BRCA1: variants seen among roughly 807,000 people sequenced by gnomAD.
BRCA1 encodes the protein BRCA1 DNA repair associated, also known as breast cancer type 1 susceptibility protein.
Under a neutral mutation model 173.7 loss-of-function variants are expected in BRCA1, and 140 were observed. The observed-to-expected ratio is 0.81, with a 90% CI of 0.70 to 0.93. BRCA1 has a LOEUF of 0.93. BRCA1 is among the 40% of genes least tolerant of loss of function. BRCA1 has a pLI of 0.00. For missense variants in BRCA1, 1,983 were observed against 2,172.5 expected (o/e 0.91, Z 1.73); for synonymous variants, 662 against 756.0 (o/e 0.88, Z 2.04).
chr17:43,100,278 G>A (rs1300361247), intron 6 of BRCA1, among the ~76,000 whole-genome samples: 1 of 151,452 alleles, frequency 6.6e-6, no homozygotes, highest in Non-Finnish European at 1.5e-5. Flanking sequence ...AATTTTTGAA[G>A]TATTAATATA....
rs398122658 is a variant in BRCA1 at position 43,093,139 on chromosome 17, G to A, written c.2392C>T (p.Pro798Ser). The A allele has an allele frequency of 3.1e-6, 5 of 1,613,360 alleles. No individual in the cohort carries two copies. In the African/African-American group the frequency reaches 5.3e-5, roughly 17 times the overall value. The change falls in exon 10 of 23, where the codon CCA becomes TCA. Residue 798 changes from proline to serine, a missense_variant. Transcript: ENST00000357654. ...GCACACTGACTCACACATTTATTTG[G>A]TTCTGTTTTTGCCTTCCCTAGAGTG... The part of the protein sequence containing the change: ...VSTLGKAKTE[P>S]NKCVSQCAAF...
At chr17:43,124,440 G>A (rs1567823814) in intron 1 of BRCA1, among the ~76,000 whole-genome samples, 3 of 152,092 alleles carry the variant, frequency 2.0e-5, no homozygotes, top group Non-Finnish European at 2.9e-5. Context: ...GTTTCTGGTT[G>A]TTTTCTTTTT....
chr17:43,156,068 C>T (rs1057399140), intron 1 of BRCA1, among the ~76,000 whole-genome samples: 1 of 152,012 alleles, frequency 6.6e-6, no homozygotes, highest in East Asian at 1.9e-4. Flanking sequence ...GAAACCCCGC[C>T]TCTGCTAAAA....
rs869038623 is a variant in BRCA1 at position 43,089,549 on chromosome 17, C to CT, written c.4185+1394dup. On this transcript the variant is annotated intron_variant, in intron 11 of 22. Transcript: ENST00000357654. ...TCCAGAAAGTAAAATTGTGTACTTT[C>CT]TTTTTTTTTTTTTTTGAGATGGAGT... Among the ~76,000 whole-genome samples, 416 of 121,704 alleles carry CT rather than the reference C, an allele frequency of 3.4e-3. 3 individuals are homozygous for CT. The highest frequency in any genetic ancestry group is 9.7e-3 in the African/African-American group (346 of 35,656). 79.8% of individuals were successfully genotyped at this position (121,704 alleles called of 152,430 possible).
rs1060504561 is a variant in BRCA1 at position 43,104,115 on chromosome 17, G to GT, written c.441+6dup. ...AAGAAGAAGAAGAAGAAAACAAATG[G>GT]TTTTACCAAGGAAGGATTTTCGGGT... On this transcript the variant is annotated splice_region_variant and intron_variant, in intron 6 of 22. Transcript: ENST00000357654. 1.5e-5 allele frequency: 24 copies of GT among 1,611,740 alleles called. No individual in the cohort carries two copies. Among genetic ancestry groups the GT allele is most frequent in the Non-Finnish European group, 2.0e-5 (24 of 1,178,862 alleles).
chr17:43,168,752 T>C (rs1270890407), intron 1 of BRCA1, among the ~76,000 whole-genome samples: 1 of 152,270 alleles, frequency 6.6e-6, no homozygotes, highest in Non-Finnish European at 1.5e-5. Flanking sequence ...ATATAAATTC[T>C]GTATTTTTTC....
At chr17:43,076,072 A>G (rs550840298) in intron 13 of BRCA1, among the ~76,000 whole-genome samples, 1 of 152,108 alleles carries the variant, frequency 6.6e-6, no homozygotes, top group South Asian at 2.1e-4. Flanking sequence ...TAGGTGACAC[A>G]GGGCGACCCT....
rs2054688287 is a variant in BRCA1, at chr17:43,104,925, G to A, written c.244C>T (p.Leu82Phe). The change falls in exon 5 of 23, where the codon CTT becomes TTT. Residue 82 changes from leucine (L) to phenylalanine (F), a missense_variant. Leu to Phe is a conservative substitution (Grantham distance 22). Coordinates refer to ENST00000357654, the MANE Select transcript of BRCA1 (RefSeq NM_007294.4). The stretch of plus-strand genomic sequence containing the variant: ...ATGATTTTCAATAGCTCTTCAACAA[G>A]TTGACTAAATCTCGTACTTTCTTGT... ...SLQESTRFSQ[L>F]VEELLKIICA... 1 of 1,613,892 alleles carries A rather than the reference G, an allele frequency of 6.2e-7. No homozygotes were observed. The highest frequency in any genetic ancestry group is 8.5e-7 in the Non-Finnish European group (1 of 1,179,966).
intron 2 of BRCA1, 57 bp downstream of exon 2, chr17:43,123,960 T>C (rs2055707821): frequency 7.4e-7 from 1 of 1,351,828 alleles, no homozygotes; most frequent in Non-Finnish European, 1.1e-6. Context: ...ATTCTGTTCA[T>C]TTGCATAGGA....
chr17:43,121,304 G>A (rs531577463), intron 2 of BRCA1, among the ~76,000 whole-genome samples: 3 of 152,076 alleles, frequency 2.0e-5, no homozygotes, highest in Admixed American at 2.0e-4. Flanking sequence ...GAACCCGGGA[G>A]GCGGAGCTGG....
intron 1 of BRCA1, among the ~76,000 whole-genome samples, chr17:43,143,788 A>C (rs1386783640): frequency 2.0e-5 from 3 of 152,224 alleles, no homozygotes; most frequent in East Asian, 3.9e-4. Context: ...AGGTAGCCCC[A>C]CCAGTATGTT....
At position 43,091,979 on chromosome 17, in the gene BRCA1, TC is replaced by T; in HGVS notation, c.3551del (p.Gly1184GlufsTer26). 1 of 1,614,146 alleles carries T rather than the reference TC, an allele frequency of 6.2e-7. No homozygotes were observed. The highest frequency in any genetic ancestry group is 8.5e-7 in the Non-Finnish European group (1 of 1,180,022). ...AAGGGCTAGGACTCCTGCTAAGCTCTCCTTTCTGGACGCTTTTGCTAAAAAC... is the reference window on the plus strand; with the variant it reads ...AAGGGCTAGGACTCCTGCTAAGCTCTCTTTCTGGACGCTTTTGCTAAAAAC... Reference protein sequence around the residue: ...SAVFSKSVQKGELSRSPSPFT... With the variant: ...SAVFSKSVQKXELSRSPSPFT... On this transcript the variant is annotated frameshift_variant, in exon 10 of 23. Transcript: ENST00000357654. LOFTEE classifies it high-confidence loss of function.
intron 1 of BRCA1, among the ~76,000 whole-genome samples, chr17:43,147,835 T>G (rs540036891): frequency 6.6e-6 from 1 of 152,226 alleles, no homozygotes; most frequent in East Asian, 1.9e-4. Context: ...CCTGGTGGCC[T>G]TCCCTACCCC....
chr17:43,070,122 G>A (rs1159576594), intron 15 of BRCA1, among the ~76,000 whole-genome samples: 2 of 151,952 alleles, frequency 1.3e-5, no homozygotes, highest in African/African-American at 4.8e-5. Context: ...TAGTAAAGAT[G>A]GGGTTTCTTC....
At chr17:43,159,617 T>G (rs2056222553) in intron 1 of BRCA1, 1 of 242,356 alleles carries the variant, frequency 4.1e-6, no homozygotes, top group African/African-American at 2.4e-5. Context: ...GCAGAGGCGC[T>G]CCTCACATCA....
rs1302888276 is a variant in BRCA1, at chr17:43,045,236, T to C, written c.*442A>G. The C allele has an allele frequency of 7.4e-6, 4 of 540,136 alleles. No homozygotes were observed. The highest frequency in any genetic ancestry group is 1.4e-5 in the Non-Finnish European group (4 of 280,498). 33.5% of individuals were successfully genotyped at this position (540,136 alleles called of 1,614,324 possible). A position where few individuals can be genotyped will look rare whatever the true frequency, so the allele number is the denominator to read the frequency against. On this transcript the variant is annotated 3_prime_UTR_variant, in exon 23 of 23. Coordinates refer to ENST00000357654, the MANE Select transcript of BRCA1 (RefSeq NM_007294.4). ...ATCGATCCCAAGCACTCTCCTTCCA[T>C]TGAAGGGTCTGACTCTCTGCCTTTG...
At chr17:43,137,631 A>C (rs551791611) in intron 1 of BRCA1, among the ~76,000 whole-genome samples, 1 of 152,292 alleles carries the variant, frequency 6.6e-6, no homozygotes, top group South Asian at 2.1e-4. Context: ...CTTTAATCCC[A>C]GCACTTTGGG....
rs1440585374 is a variant in BRCA1, at chr17:43,101,026, T to G, written c.442-1146A>C. Among the ~76,000 whole-genome samples the G allele has an allele frequency of 2.7e-5, 4 of 150,090 alleles. No individual in the cohort carries two copies. The East Asian group carries it at 8.0e-4, about 30-fold the overall frequency. ...GATTACAGCCATGAGCCACCGTGCC[T>G]GGCCAATAACATTTTTAAAAAGGAT... On this transcript the variant is annotated intron_variant, in intron 6 of 22. Coordinates refer to ENST00000357654, the MANE Select transcript of BRCA1 (RefSeq NM_007294.4).
chr17:43,049,912 T>C (rs2051135726), intron 20 of BRCA1: 1 of 393,762 alleles, frequency 2.5e-6, no homozygotes, highest in Non-Finnish European at 4.5e-6. Context: ...TGAACGAAGG[T>C]TGACTAACTC....
Sources: gnomAD v4.1 joint callset for allele counts (sites outside exome capture counted in the v4.1 genomes callset) on GRCh38, gnomAD v4.1.1 for gene constraint, MANE v1.5 for transcripts, NCBI Gene and HGNC (gene_info 2026-07-23, HGNC 2026-07-21) for gene names.